The following DOCK2 variants were observed in gnomAD, a reference collection of about 807,000 sequenced individuals.
DOCK2 encodes the protein dedicator of cytokinesis 2.
Under a neutral mutation model 248.9 loss-of-function variants are expected in DOCK2, and 87 were observed. That is an observed-to-expected ratio of 0.35 (90% CI 0.29 to 0.42). DOCK2 has a LOEUF of 0.42. DOCK2 is among the 10% of genes least tolerant of loss of function. The pLI, the probability that DOCK2 is intolerant of heterozygous loss-of-function variation, is 1.00. For missense variants in DOCK2, 1,747 were observed against 2,300.2 expected (o/e 0.76, Z 4.92); for synonymous variants, 805 against 821.6 (o/e 0.98, Z 0.35).
intron 27 of DOCK2, among the ~76,000 whole-genome samples, chr5:169,937,717 CT>C (rs1776054763): frequency 6.6e-6 from 1 of 152,178 alleles, no homozygotes; most frequent in African/African-American, 2.4e-5. Context: ...TTTAGTAACA[CT>C]TTTGCCCAGT....
chr5:169,751,598 C>G (rs1325575324), intron 23 of DOCK2, among the ~76,000 whole-genome samples: 1 of 152,196 alleles, frequency 6.6e-6, no homozygotes, highest in African/African-American at 2.4e-5. Flanking sequence ...TGGTTCAAAT[C>G]TCAGCTGTGT....
chr5:169,714,000 T>G, intron 17 of DOCK2, 28 bp from the exon 18 acceptor site: 1 of 1,563,886 alleles, frequency 6.4e-7, no homozygotes, highest in Admixed American at 1.8e-5. Context: ...AGCCTTGGCT[T>G]GGGGCAGTAA....
chr5:170,034,441 G>A lies in DOCK2; in HGVS notation c.3510G>A (p.Ser1170=), dbSNP rs747886113. The stretch of plus-strand genomic sequence containing the variant: ...CAGAGCACCCAACCATTGCCAAGTC[G>A]GTGGAGAACTTCGTGAACCTGGTCA... ...CAAEHPTIAK[S]VENFVNLVKG... is the part of the protein sequence containing the mutation. The change falls in exon 35 of 52, where the codon TCG becomes TCA. Residue 1170 remains serine, a synonymous_variant. Coordinates refer to ENST00000520908, the MANE Select transcript of DOCK2 (RefSeq NM_004946.3). The A allele has an allele frequency of 1.5e-5, 24 of 1,614,014 alleles. No homozygotes were observed. The highest frequency in any genetic ancestry group is 5.3e-5 in the African/African-American group (4 of 74,928).
intron 27 of DOCK2, chr5:169,883,743 A>G: frequency 6.4e-7 from 1 of 1,551,622 alleles, no homozygotes; most frequent in South Asian, 1.2e-5. Flanking sequence ...CGTCAACCTC[A>G]GCTAGGCCAG....
At chr5:170,067,225 A>G (rs1179302373) in intron 44 of DOCK2, among the ~76,000 whole-genome samples, 1 of 152,012 alleles carries the variant, frequency 6.6e-6, no homozygotes, top group East Asian at 1.9e-4. Context: ...TCACCCAGAT[A>G]ATAAGAAGAG....
chr5:169,853,021 C>T (rs1210829349), intron 27 of DOCK2, among the ~76,000 whole-genome samples: 1 of 152,084 alleles, frequency 6.6e-6, no homozygotes, highest in Non-Finnish European at 1.5e-5. Flanking sequence ...TGGGAGGGAC[C>T]TGGTAGGAGG....
chr5:169,744,929 A>G (rs1447189206), intron 22 of DOCK2, among the ~76,000 whole-genome samples: 1 of 152,182 alleles, frequency 6.6e-6, no homozygotes, highest in Non-Finnish European at 1.5e-5. Context: ...GGTACACCCT[A>G]CAGAAAGAGC....
intron 10 of DOCK2, among the ~76,000 whole-genome samples, chr5:169,697,279 T>C (rs1392792217): frequency 1.3e-5 from 2 of 152,192 alleles, no homozygotes; most frequent in African/African-American, 4.8e-5. Context: ...ATTTGTCTCT[T>C]TCTTGCTCAG....
chr5:169,645,079 T>C (rs929318304), intron 1 of DOCK2, among the ~76,000 whole-genome samples: 8 of 152,236 alleles, frequency 5.3e-5, no homozygotes, highest in African/African-American at 1.9e-4. Context: ...GTGTTTGTTG[T>C]TGTAAATAGT....
rs370547129 is a variant in DOCK2 at position 169,759,111 on chromosome 5, C to A, written c.2377-594C>A. 1.2e-3 allele frequency among the ~76,000 whole-genome samples: 179 copies of A among 152,276 alleles called. 4 individuals are homozygous for A. In the South Asian group the frequency reaches 0.035, roughly 30 times the overall value. ...GCATCAGTTACTTTAAGAGAGGAAGCAATCCACTACAATGCTCAGCTTTCC... is the reference window on the plus strand; with the variant it reads ...GCATCAGTTACTTTAAGAGAGGAAGAAATCCACTACAATGCTCAGCTTTCC... On this transcript the variant is annotated intron_variant, in intron 23 of 51. Transcript: ENST00000520908.
At chr5:170,047,208 A>G (rs1013188216) in intron 39 of DOCK2, among the ~76,000 whole-genome samples, 1 of 152,190 alleles carries the variant, frequency 6.6e-6, no homozygotes, top group Admixed American at 6.5e-5. Flanking sequence ...GTTCAGCTCC[A>G]TGCTTACTGG....
chr5:169,891,423 C>G (rs1773275214), intron 27 of DOCK2, among the ~76,000 whole-genome samples: 2 of 152,300 alleles, frequency 1.3e-5, no homozygotes, highest in South Asian at 4.1e-4. Flanking sequence ...AGAAATAGAA[C>G]AGAGAAGTTT....
chr5:169,720,815 C>T (rs977691469), intron 22 of DOCK2, among the ~76,000 whole-genome samples: 1 of 152,218 alleles, frequency 6.6e-6, no homozygotes, highest in Admixed American at 6.5e-5. Flanking sequence ...ACTGCGATCT[C>T]CGCCTCCCAC....
chr5:169,758,390 G>A (rs10062162), intron 23 of DOCK2, among the ~76,000 whole-genome samples: 2,227 of 152,200 alleles, frequency 0.015, 66 homozygotes, highest in African/African-American at 0.051. Flanking sequence ...AGGAGGATGC[G>A]ATATAGGACT....
At chr5:169,919,377 A>G (rs561065219) in intron 27 of DOCK2, among the ~76,000 whole-genome samples, 26 of 152,220 alleles carry the variant, frequency 1.7e-4, no homozygotes, top group Non-Finnish European at 2.8e-4. Flanking sequence ...ATAGATGGAA[A>G]TAAATGGCTG....
chr5:170,026,519 G>A (rs6876810), intron 33 of DOCK2, among the ~76,000 whole-genome samples: 24 of 152,104 alleles, frequency 1.6e-4, no homozygotes, highest in South Asian at 1.5e-3. Flanking sequence ...TGACCTTTGC[G>A]AAGCTCCCCT....
At chr5:169,904,091 CAAAA>C (rs57983281) in intron 27 of DOCK2, among the ~76,000 whole-genome samples, 3 of 70,390 alleles carry the variant, frequency 4.3e-5, no homozygotes, top group African/African-American at 4.9e-5. Flanking sequence ...GACTTCGTCT[CAAAA>C]AAAAAAAAAA....
intron 46 of DOCK2, among the ~76,000 whole-genome samples, chr5:170,073,733 G>C (rs1757752186): frequency 1.3e-5 from 2 of 151,716 alleles, no homozygotes; most frequent in Admixed American, 6.6e-5. Flanking sequence ...TTTTCTGTTT[G>C]TTAACTTTTT....
chr5:169,785,881 A>T (rs540274195), intron 25 of DOCK2, among the ~76,000 whole-genome samples: 65 of 152,220 alleles, frequency 4.3e-4, no homozygotes, highest in African/African-American at 1.6e-3. Flanking sequence ...TCTGGTGACA[A>T]AAAAAAGAAG....
Sources: gnomAD v4.1 joint callset for allele counts (sites outside exome capture counted in the v4.1 genomes callset) on GRCh38, gnomAD v4.1.1 for gene constraint, MANE v1.5 for transcripts, NCBI Gene and HGNC (gene_info 2026-07-23, HGNC 2026-07-21) for gene names.